The following EIF5B variants were observed in gnomAD, a reference collection of about 807,000 sequenced individuals.
EIF5B encodes the protein eIF-5B.
Under a neutral mutation model 147.5 loss-of-function variants are expected in EIF5B, and 47 were observed. The observed-to-expected ratio is 0.32, with a 90% CI of 0.25 to 0.41. The LOEUF is 0.41. Among genes scored for constraint, EIF5B ranks in the 10% least tolerant of loss-of-function variants. The probability of loss-of-function intolerance (pLI) is 1.00; values close to 1 mark genes in which losing one functional copy is unlikely to be tolerated. For missense variants in EIF5B, 1,064 were observed against 1,413.2 expected (o/e 0.75, Z 3.96); for synonymous variants, 455 against 456.2 (o/e 1.00, Z 0.03).
intron 8 of EIF5B, among the ~76,000 whole-genome samples, chr2:99,371,299 T>C (rs889829282): frequency 2.0e-5 from 3 of 152,060 alleles, no homozygotes; most frequent in Admixed American, 6.6e-5. Context: ...CAATCCTGGC[T>C]AACACGGTGA....
intron 7 of EIF5B, 145 bp from the exon 8 acceptor site, chr2:99,369,247 C>T: frequency 2.3e-6 from 1 of 426,894 alleles, no homozygotes; most frequent in Non-Finnish European, 4.0e-6. Context: ...GCACTCCAGC[C>T]TGGGTGACAG....
chr2:99,338,338 C>T (rs990554402), intron 1 of EIF5B: 148 of 1,288,962 alleles, frequency 1.1e-4, no homozygotes, highest in Non-Finnish European at 1.0e-4. Context: ...TGAGACATTT[C>T]TGTGTGTCAC....
intron 1 of EIF5B, among the ~76,000 whole-genome samples, chr2:99,358,071 A>G (rs966543772): frequency 4.6e-5 from 7 of 152,052 alleles, no homozygotes; most frequent in Admixed American, 2.6e-4. Flanking sequence ...CAGATGTAGC[A>G]TTCTAAAATG....
intron 18 of EIF5B, 39 bp from the exon 19 acceptor site, chr2:99,394,228 G>A (rs369658604): frequency 6.3e-7 from 1 of 1,582,676 alleles, no homozygotes; most frequent in Non-Finnish European, 8.6e-7. Flanking sequence ...GAGGATAGAG[G>A]TGTGTTGACA....
chr2:99,377,498 A>G (rs911257552), intron 10 of EIF5B, among the ~76,000 whole-genome samples: 4 of 151,170 alleles, frequency 2.6e-5, no homozygotes, highest in Admixed American at 2.0e-4. Flanking sequence ...TGCCTGTAGC[A>G]TTCTTCCCCA....
chr2:99,391,203 T>C (rs888748381), intron 17 of EIF5B, among the ~76,000 whole-genome samples: 1 of 152,098 alleles, frequency 6.6e-6, no homozygotes, highest in East Asian at 1.9e-4. Flanking sequence ...ATAAGGAAAA[T>C]AGATTTACTA....
chr2:99,366,470 G>A (rs1201956087), intron 6 of EIF5B, among the ~76,000 whole-genome samples: 1 of 152,176 alleles, frequency 6.6e-6, no homozygotes, highest in African/African-American at 2.4e-5. Flanking sequence ...CGTCTTACCA[G>A]TCATAGCTAT....
In EIF5B at chr2:99,382,933, T is replaced by G. The variant is rs781672839; in HGVS notation, c.2271+12T>G. ...TTGCACTCAATAAGGTATGTGCGCC[T>G]TCTGAAAAATTAACCTAGGAAAACA... On this transcript the variant is annotated intron_variant, in intron 14 of 23. Coordinates refer to ENST00000289371, the MANE Select transcript of EIF5B (RefSeq NM_015904.4). 1 of 1,554,246 alleles carries G rather than the reference T, an allele frequency of 6.4e-7. No homozygotes were observed. Among genetic ancestry groups the G allele is most frequent in the South Asian group, 1.2e-5 (1 of 82,212 alleles).
At chr2:99,378,621 C>T (rs1470154463) in intron 10 of EIF5B, among the ~76,000 whole-genome samples, 1 of 152,138 alleles carries the variant, frequency 6.6e-6, no homozygotes, top group Admixed American at 6.5e-5. Context: ...TTAAAATGTA[C>T]AAGTTCACCT....
intron 1 of EIF5B, among the ~76,000 whole-genome samples, chr2:99,346,114 C>G (rs2094272865): frequency 6.6e-6 from 1 of 152,084 alleles, no homozygotes; most frequent in Non-Finnish European, 1.5e-5. Flanking sequence ...TCACATTTGC[C>G]TCTTAAAGTT....
At position 99,361,828 on chromosome 2, in the gene EIF5B, A is replaced by G. The variant is rs1483218466; in HGVS notation, c.919+8A>G. ...CTCCCACAGCTGCAGAAGGTTGGTT[A>G]ATACTTTAGAGGAAAGAGCAAAAGG... On this transcript the variant is annotated splice_region_variant and intron_variant, in intron 4 of 23. Transcript: ENST00000289371. 1 of 1,522,562 alleles carries G rather than the reference A, an allele frequency of 6.6e-7. No individual in the cohort carries two copies. The highest frequency in any genetic ancestry group is 8.7e-7 in the Non-Finnish European group (1 of 1,146,666). The allele number at this position is 1,522,562 out of a possible 1,614,324, so 94.3% of individuals were successfully genotyped here.
Position 99,390,593 on chromosome 2 carries a change from A to G in EIF5B, c.2636A>G (p.Asn879Ser), listed in dbSNP as rs1674905158. 2 of 1,613,094 alleles carry G rather than the reference A, an allele frequency of 1.2e-6. No homozygotes were observed. Among genetic ancestry groups the G allele is most frequent in the East Asian group, 4.5e-5 (2 of 44,820 alleles). The change falls in exon 17 of 24, where the codon AAT becomes AGT. Residue 879 changes from asparagine (N) to serine (S), a missense_variant. Coordinates refer to ENST00000289371, the MANE Select transcript of EIF5B (RefSeq NM_015904.4). The stretch of plus-strand genomic sequence containing the variant: ...ACCACTATAGATGTCATCTTGATCA[A>G]TGGGCGTTTGAAGGAAGGAGATACA... The part of the protein sequence containing the change: ...MGTTIDVILI[N>S]GRLKEGDTII...
chr2:99,357,252 A>G (rs926210436), intron 1 of EIF5B, among the ~76,000 whole-genome samples: 3 of 152,162 alleles, frequency 2.0e-5, no homozygotes, highest in African/African-American at 7.2e-5. Flanking sequence ...AACTGTAGGA[A>G]TTTCATAGCT....
In EIF5B at chr2:99,378,249, G is replaced by T. The variant is rs955190811; in HGVS notation, c.1843-770G>T. Among the ~76,000 whole-genome samples the T allele has an allele frequency of 7.9e-5, 12 of 152,186 alleles. No individual in the cohort carries two copies. The East Asian group carries it at 1.3e-3, about 17-fold the overall frequency. On this transcript the variant is annotated intron_variant, in intron 10 of 23. Transcript: ENST00000289371. ...TTAGATGAAAAATAGTTTTGTAAATGACATTACTTCATAGTTTTTGCTTCA... is the reference window on the plus strand; with the variant it reads ...TTAGATGAAAAATAGTTTTGTAAATTACATTACTTCATAGTTTTTGCTTCA...
chr2:99,390,430 T>G (rs778070885), intron 16 of EIF5B, 29 bp downstream of exon 16: 11 of 1,567,286 alleles, frequency 7.0e-6, no homozygotes, highest in Admixed American at 2.0e-5. Context: ...GTTTATTGTT[T>G]TTTTTTTTTT....
chr2:99,385,043 G>A (rs533709322), intron 14 of EIF5B, among the ~76,000 whole-genome samples: 4 of 152,232 alleles, frequency 2.6e-5, no homozygotes, highest in South Asian at 2.1e-4. Context: ...ACATGCTACA[G>A]ATAAATTTCT....
chr2:99,346,756 GAGACGGGGTTT>G (rs2094274277), intron 1 of EIF5B, among the ~76,000 whole-genome samples: 1 of 151,674 alleles, frequency 6.6e-6, no homozygotes, highest in Admixed American at 6.6e-5. Flanking sequence ...ATTTTTAGTA[GAGACGGGGTTT>G]CATCGCGTTA....
At chr2:99,342,254 A>G (rs1195883515) in intron 1 of EIF5B, among the ~76,000 whole-genome samples, 2 of 151,908 alleles carry the variant, frequency 1.3e-5, no homozygotes, top group Non-Finnish European at 2.9e-5. Flanking sequence ...TAAATGTAAT[A>G]CTTGCCAAGG....
chr2:99,354,529 C>T (rs1051270563), intron 1 of EIF5B, among the ~76,000 whole-genome samples: 3 of 152,124 alleles, frequency 2.0e-5, no homozygotes, highest in African/African-American at 4.8e-5. Flanking sequence ...TTGATGAGTT[C>T]CACTTCTTTT....
Sources: gnomAD v4.1 joint callset for allele counts (sites outside exome capture counted in the v4.1 genomes callset) on GRCh38, gnomAD v4.1.1 for gene constraint, MANE v1.5 for transcripts, NCBI Gene and HGNC (gene_info 2026-07-23, HGNC 2026-07-21) for gene names.